Variants in GALNT8 observed in about 807,000 individuals in gnomAD.
The protein encoded by GALNT8 is probable polypeptide N-acetylgalactosaminyltransferase 8.
Under a neutral mutation model 62.7 loss-of-function variants are expected in GALNT8, and 66 were observed. That is an observed-to-expected ratio of 1.05 (90% CI 0.86 to 1.29). The LOEUF is 1.29. Ranked by LOEUF, GALNT8 falls within the 50% of genes most tolerant of loss-of-function variation. The probability of loss-of-function intolerance (pLI) is 0.00; values close to 1 mark genes in which losing one functional copy is unlikely to be tolerated. For synonymous variants in GALNT8, 288 were observed against 294.3 expected (o/e 0.98, Z 0.22); for missense variants, 771 against 791.8 (o/e 0.97, Z 0.32).
chr12:4,735,531 G>A (rs191568095), intron 2 of GALNT8, among the ~76,000 whole-genome samples: 20 of 152,334 alleles, frequency 1.3e-4, no homozygotes, highest in Non-Finnish European at 2.2e-4. Context: ...CACTAGGAAT[G>A]CAAAAGCTCT....
At chr12:4,722,304 T>C (rs1335023051) in intron 1 of GALNT8, among the ~76,000 whole-genome samples, 1 of 152,174 alleles carries the variant, frequency 6.6e-6, no homozygotes. Context: ...GAGGGCTTTG[T>C]TAGAGGACCT....
chr12:4,741,269 A>G (rs545671621), intron 3 of GALNT8, among the ~76,000 whole-genome samples: 1 of 152,248 alleles, frequency 6.6e-6, no homozygotes, highest in East Asian at 1.9e-4. Flanking sequence ...TTTTATTTCC[A>G]ATGTAACTAA....
chr12:4,771,687 A>G (rs180784510), intron 10 of GALNT8, among the ~76,000 whole-genome samples: 2 of 152,218 alleles, frequency 1.3e-5, no homozygotes, highest in East Asian at 3.9e-4. Flanking sequence ...CCAGGCAGTA[A>G]TGTAGATCAT....
intron 7 of GALNT8, 143 bp from the exon 8 acceptor site, chr12:4,763,110 T>C: frequency 1.5e-6 from 1 of 659,716 alleles, no homozygotes; most frequent in Non-Finnish European, 2.7e-6. Flanking sequence ...GGTTTCAATC[T>C]TGTCTATCCA....
intron 6 of GALNT8, among the ~76,000 whole-genome samples, chr12:4,754,989 ACTTCTC>A (rs1946338240): frequency 6.6e-6 from 1 of 151,934 alleles, no homozygotes. Context: ...AGTCCTCCTC[ACTTCTC>A]CCTCTCCTCT....
At chr12:4,767,218 C>G (rs530966236) in intron 10 of GALNT8, among the ~76,000 whole-genome samples, 1 of 152,112 alleles carries the variant, frequency 6.6e-6, no homozygotes, top group South Asian at 2.1e-4. Context: ...CCTCTAATTG[C>G]TCTCAGGGGT....
intron 2 of GALNT8, among the ~76,000 whole-genome samples, chr12:4,736,374 G>A (rs1946244734): frequency 6.6e-6 from 1 of 152,126 alleles, no homozygotes; most frequent in African/African-American, 2.4e-5. Context: ...CTAAGGCTGT[G>A]CTCTCTCAGG....
chr12:4,761,035 C>A lies in GALNT8; in HGVS notation c.1251C>A (p.Tyr417Ter), dbSNP rs73264336. ...ACCTAGAGAGACACCACAAGCCCTA[C>A]GCCTTGGATCTCACCGCTGCCTTGA... ...IAHLERHHKP[Y>*]ALDLTAALKR... The change falls in exon 7 of 11, where the codon TAC becomes TAA. Residue 417 changes from tyrosine (Y) to a stop codon, truncating the protein, a stop_gained. Transcript: ENST00000252318. LOFTEE classifies it high-confidence loss of function. 19 of 1,614,026 alleles carry A rather than the reference C, an allele frequency of 1.2e-5. 1 individual carries two copies. The highest frequency in any genetic ancestry group is 1.6e-5 in the Non-Finnish European group (19 of 1,179,930).
intron 2 of GALNT8, among the ~76,000 whole-genome samples, chr12:4,736,064 A>G (rs573558284): frequency 6.6e-6 from 1 of 152,332 alleles, no homozygotes; most frequent in Admixed American, 6.5e-5. Context: ...AATCAGGGAA[A>G]AAGATTGCCA....
chr12:4,744,507 T>G lies in GALNT8; in HGVS notation c.677-10T>G, dbSNP rs1357810888. ...CTCAGAATTTCTATAGGTGTGCACT[T>G]GATTGACAGGAGAACTAAAGGTACA... is the stretch of plus-strand genomic sequence containing the variant. On this transcript the variant is annotated splice_polypyrimidine_tract_variant and intron_variant, in intron 3 of 10. Coordinates refer to ENST00000252318, the MANE Select transcript of GALNT8 (RefSeq NM_017417.2). 2 of 1,591,932 alleles carry G rather than the reference T, an allele frequency of 1.3e-6. No individual in the cohort carries two copies. Among genetic ancestry groups the G allele is most frequent in the Non-Finnish European group, 1.7e-6 (2 of 1,166,130 alleles).
At chr12:4,769,370 A>G (rs1946413232) in intron 10 of GALNT8, among the ~76,000 whole-genome samples, 1 of 152,232 alleles carries the variant, frequency 6.6e-6, no homozygotes, top group African/African-American at 2.4e-5. Flanking sequence ...AACTAACTAC[A>G]ACCCTTTTTA....
chr12:4,755,140 C>T (rs1946339087), intron 6 of GALNT8, among the ~76,000 whole-genome samples: 1 of 152,336 alleles, frequency 6.6e-6, no homozygotes, highest in Middle Eastern at 3.4e-3. Context: ...TCCCCACCCC[C>T]AATCCACTGT....
chr12:4,769,257 GGGGA>G (rs1297480540), intron 10 of GALNT8, among the ~76,000 whole-genome samples: 1 of 152,156 alleles, frequency 6.6e-6, no homozygotes, highest in Non-Finnish European at 1.5e-5. Flanking sequence ...AAGAGGAAGT[GGGGA>G]GGGAGTGCTC....
intron 10 of GALNT8, among the ~76,000 whole-genome samples, chr12:4,766,961 A>G (rs1946402794): frequency 6.6e-6 from 1 of 151,538 alleles, no homozygotes; most frequent in Admixed American, 6.6e-5. Flanking sequence ...TGAACTAGAC[A>G]ATATCAATTA....
intron 6 of GALNT8, among the ~76,000 whole-genome samples, chr12:4,754,952 C>G (rs1301446292): frequency 6.6e-6 from 1 of 152,196 alleles, no homozygotes; most frequent in Non-Finnish European, 1.5e-5. Context: ...CCTGCTGTAA[C>G]TGAGCTGATA....
chr12:4,758,854 G>T (rs1946359074), intron 6 of GALNT8, among the ~76,000 whole-genome samples: 1 of 151,252 alleles, frequency 6.6e-6, no homozygotes, highest in Admixed American at 6.6e-5. Context: ...TAGGCTCATT[G>T]CAACCTCCAC....
intron 9 of GALNT8, among the ~76,000 whole-genome samples, chr12:4,764,530 ATTTTTT>A (rs58809573): frequency 1.7e-4 from 17 of 102,222 alleles, no homozygotes; most frequent in African/African-American, 2.0e-4. Context: ...CAGTCAGGGG[ATTTTTT>A]TTTTTTTTTT....
At chr12:4,738,082 C>A (rs1374905872) in intron 2 of GALNT8, among the ~76,000 whole-genome samples, 2 of 152,184 alleles carry the variant, frequency 1.3e-5, no homozygotes, top group South Asian at 2.1e-4. Flanking sequence ...AACTTTAGCT[C>A]CCTCTATCCT....
intron 2 of GALNT8, among the ~76,000 whole-genome samples, chr12:4,729,758 C>T (rs75235906): frequency 6.6e-6 from 1 of 152,100 alleles, no homozygotes; most frequent in Non-Finnish European, 1.5e-5. Flanking sequence ...TATAGGATTG[C>T]TAGATCATAC....
Sources: allele counts gnomAD v4.1 joint callset (sites outside exome capture counted in the v4.1 genomes callset), GRCh38; gene constraint gnomAD v4.1.1; transcripts MANE v1.5; gene names NCBI Gene and HGNC (gene_info 2026-07-23, HGNC 2026-07-21).